The following COLGALT2 variants were observed in gnomAD, a reference collection of about 807,000 sequenced individuals.
COLGALT2 encodes collagen beta(1-O)galactosyltransferase 2.
Under a neutral mutation model 73.4 loss-of-function variants are expected in COLGALT2, and 49 were observed. The observed-to-expected ratio is 0.67, with a 90% CI of 0.53 to 0.85. COLGALT2 has a LOEUF of 0.85. Ranked by LOEUF, COLGALT2 falls within the 40% of genes least tolerant of loss-of-function variation. The pLI, the probability that COLGALT2 is intolerant of heterozygous loss-of-function variation, is 0.00. For synonymous variants in COLGALT2, 295 were observed against 307.6 expected, an observed-to-expected ratio of 0.96 and a Z score of 0.43; for missense variants, 722 against 790.2, an observed-to-expected ratio of 0.91 and a Z score of 1.03.
chr1:184,037,421 G>A lies in COLGALT2; in HGVS notation c.-64C>T. The A allele has an allele frequency of 7.9e-7, 1 of 1,267,458 alleles. No individual in the cohort carries two copies. The highest frequency in any genetic ancestry group is 9.9e-7 in the Non-Finnish European group (1 of 1,008,842). 78.5% of individuals were successfully genotyped at this position (1,267,458 alleles called of 1,614,324 possible). On this transcript the variant is annotated 5_prime_UTR_variant, in exon 1 of 12. Transcript: ENST00000361927. ...GAGCGCCCGGCTGGGCTGCCTGAGG[G>A]CGGCGGCGGCTGCCGGGGAGCAAGG...
At chr1:184,000,161 T>C (rs1671878037) in intron 1 of COLGALT2, among the ~76,000 whole-genome samples, 1 of 152,334 alleles carries the variant, frequency 6.6e-6, no homozygotes, top group East Asian at 1.9e-4. Context: ...GGTTGTGATA[T>C]ATTCTGAGAA....
At position 183,969,299 on chromosome 1, in the gene COLGALT2, T is replaced by A; in HGVS notation, c.802A>T (p.Ile268Phe). ...QDYTWTFDDI[I>F]VFAFSSRQAG... ...TGCCTGCTGGAGAAGGCAAAGACAA[T>A]GATGTCATCAAAGGTCCAGGTGTAG... The change falls in exon 5 of 12, where the codon ATT becomes TTT. Residue 268 changes from isoleucine to phenylalanine, a missense_variant. Physicochemically the swap from Ile to Phe is conservative, Grantham distance 21. Transcript: ENST00000361927. 6.2e-7 allele frequency: 1 copy of A among 1,613,052 alleles called. No homozygotes were observed. The highest frequency in any genetic ancestry group is 8.5e-7 in the Non-Finnish European group (1 of 1,179,546).
Position 183,973,674 on chromosome 1 carries a change from G to T in COLGALT2, c.569C>A (p.Ala190Asp). Reference sequence around the variant, plus strand: ...CAGGCCCCGAGACTCCAGCATGGGGGCCACAATAGTTTTGTTTTCTGCAAT... The same window carrying T: ...CAGGCCCCGAGACTCCAGCATGGGGTCCACAATAGTTTTGTTTTCTGCAAT... ...LLIAENKTIVAPMLESRGLYS... is the reference protein window; with the variant it reads ...LLIAENKTIVDPMLESRGLYS... The change falls in exon 4 of 12, where the codon GCC becomes GAC. Residue 190 changes from alanine to aspartate, a missense_variant. By Grantham distance (126) the Ala-to-Asp change is moderately radical. Transcript: ENST00000361927. 4 of 1,613,994 alleles carry T rather than the reference G, an allele frequency of 2.5e-6. No homozygotes were observed. Among genetic ancestry groups the T allele is most frequent in the Non-Finnish European group, 3.4e-6 (4 of 1,179,964 alleles).
In COLGALT2 at chr1:183,937,563, A is replaced by G; in HGVS notation, c.*1198T>C. ...TTTCTGACCAGGTTTCTCACCTGAGATAGAGAATCATTTGTTTCCAAATAG... is the reference window on the plus strand; with the variant it reads ...TTTCTGACCAGGTTTCTCACCTGAGGTAGAGAATCATTTGTTTCCAAATAG... On this transcript the variant is annotated 3_prime_UTR_variant, in exon 12 of 12. Coordinates refer to ENST00000361927, the MANE Select transcript of COLGALT2 (RefSeq NM_015101.4). 1.0e-6 allele frequency: 1 copy of G among 985,372 alleles called. No homozygotes were observed. Among genetic ancestry groups the G allele is most frequent in the Non-Finnish European group, 1.2e-6 (1 of 829,936 alleles). 61.0% of individuals were successfully genotyped at this position (985,372 alleles called of 1,614,324 possible).
At chr1:183,930,492 G>A (rs972252314) in intron 11 of COLGALT2, among the ~76,000 whole-genome samples, 27 of 151,482 alleles carry the variant, frequency 1.8e-4, no homozygotes, top group Non-Finnish European at 3.7e-4. Flanking sequence ...GGGCTCAAGC[G>A]ATTCTCCAAC....
At chr1:184,001,253 C>CT (rs199827147) in intron 1 of COLGALT2, among the ~76,000 whole-genome samples, 3 of 152,002 alleles carry the variant, frequency 2.0e-5, no homozygotes, top group African/African-American at 4.8e-5. Flanking sequence ...AGGTCTTCTA[C>CT]TTTTTTAAAA....
intron 1 of COLGALT2, among the ~76,000 whole-genome samples, chr1:183,978,794 C>T (rs906236299): frequency 1.1e-4 from 16 of 152,122 alleles, no homozygotes; most frequent in African/African-American, 2.4e-4. Context: ...CACATGAAAA[C>T]ACCAAGAGAG....
chr1:183,963,315 C>T (rs1670768516), intron 6 of COLGALT2, among the ~76,000 whole-genome samples: 1 of 152,056 alleles, frequency 6.6e-6, no homozygotes, highest in Admixed American at 6.6e-5. Flanking sequence ...TTAATATGGG[C>T]ATAATAAAAA....
At position 183,936,341 on chromosome 1, in the gene COLGALT2, T is replaced by C; in HGVS notation, c.*2420A>G. On this transcript the variant is annotated 3_prime_UTR_variant, in exon 12 of 12. Coordinates refer to ENST00000361927, the MANE Select transcript of COLGALT2 (RefSeq NM_015101.4). ...AAAAAGTCACATCTGCGGCTCACAG[T>C]GTTCACCAGAAAAGAACACTGCTTG... is the stretch of plus-strand genomic sequence containing the variant. 6.1e-6 allele frequency: 6 copies of C among 976,624 alleles called. No homozygotes were observed. The highest frequency in any genetic ancestry group is 7.3e-6 in the Non-Finnish European group (6 of 825,080). The allele number at this position is 976,624 out of a possible 1,614,324, so 60.5% of individuals were successfully genotyped here.
At chr1:184,010,577 C>T (rs1672207811) in intron 1 of COLGALT2, among the ~76,000 whole-genome samples, 2 of 152,186 alleles carry the variant, frequency 1.3e-5, no homozygotes. Flanking sequence ...CCCCACCTTT[C>T]CTCCTACCAG....
chr1:183,959,857 A>G (rs1670649514), intron 6 of COLGALT2, among the ~76,000 whole-genome samples: 1 of 152,026 alleles, frequency 6.6e-6, no homozygotes, highest in Non-Finnish European at 1.5e-5. Flanking sequence ...CTCATTCTTT[A>G]TGCCCCAATC....
chr1:183,997,472 G>T (rs941735773), intron 1 of COLGALT2, among the ~76,000 whole-genome samples: 6 of 152,098 alleles, frequency 3.9e-5, no homozygotes, highest in African/African-American at 1.4e-4. Flanking sequence ...TATAGCAGAG[G>T]TGTCCAATCT....
chr1:183,930,827 T>C lies in COLGALT2; in HGVS notation c.1605-538A>G, dbSNP rs148632873. ...ACTAGGAGCTACTTTACAGATGTAG[T>C]TGTAAGTCAGGTTAAAAAAAGAAAC... is the stretch of plus-strand genomic sequence containing the variant. On this transcript the variant is annotated intron_variant, in intron 11 of 11. Transcript: ENST00000649786. Among the ~76,000 whole-genome samples the C allele has an allele frequency of 2.8e-4, 42 of 152,256 alleles. No homozygotes were observed. In the East Asian group the frequency reaches 7.7e-3, roughly 28 times the overall value.
At chr1:184,000,825 ATTTTTT>A (rs149091262) in intron 1 of COLGALT2, among the ~76,000 whole-genome samples, 1 of 113,234 alleles carries the variant, frequency 8.8e-6, no homozygotes, top group Non-Finnish European at 1.8e-5. Flanking sequence ...TCAGCCCCCC[ATTTTTT>A]TTTTTTTTTT....
At chr1:183,933,542 C>G (rs948608381), downstream of COLGALT2, among the ~76,000 whole-genome samples, 1 of 152,220 alleles carries the variant, frequency 6.6e-6, no homozygotes, top group Non-Finnish European at 1.5e-5. Flanking sequence ...CAACTGAACT[C>G]CTGTCTGGGG....
chr1:183,994,557 C>T (rs1050597144), intron 1 of COLGALT2, among the ~76,000 whole-genome samples: 17 of 152,212 alleles, frequency 1.1e-4, no homozygotes, highest in African/African-American at 2.6e-4. Context: ...CAGGTTCAAG[C>T]GATTCTCCTG....
At chr1:183,945,320 C>T (rs1429448051) in intron 9 of COLGALT2, 112 bp downstream of exon 9, 3 of 1,287,606 alleles carry the variant, frequency 2.3e-6, no homozygotes, top group Non-Finnish European at 3.2e-6. Context: ...CTCTCATGCA[C>T]ATTTCCAGAA....
intron 1 of COLGALT2, among the ~76,000 whole-genome samples, chr1:183,997,761 T>C (rs1671809204): frequency 6.6e-6 from 1 of 152,254 alleles, no homozygotes; most frequent in African/African-American, 2.4e-5. Context: ...GAACTTTATA[T>C]AAATAGATTC....
chr1:184,010,176 T>C (rs1672195854), intron 1 of COLGALT2, among the ~76,000 whole-genome samples: 1 of 152,194 alleles, frequency 6.6e-6, no homozygotes, highest in African/African-American at 2.4e-5. Flanking sequence ...AGAGACTACA[T>C]ACCCCGACTC....
Sources: allele counts gnomAD v4.1 joint callset (sites outside exome capture counted in the v4.1 genomes callset), GRCh38; gene constraint gnomAD v4.1.1; transcripts MANE v1.5; gene names NCBI Gene and HGNC (gene_info 2026-07-23, HGNC 2026-07-21).